STARD13: variants seen among roughly 807,000 people sequenced by gnomAD.
The protein encoded by STARD13 is StAR related lipid transfer domain containing 13.
A neutral mutation model predicts 106.4 loss-of-function variants in STARD13; 62 were observed. That is an observed-to-expected ratio of 0.58 (90% CI 0.48 to 0.72). STARD13 has a LOEUF of 0.72. Ranked by LOEUF, STARD13 falls within the 30% of genes least tolerant of loss-of-function variation. The probability of loss-of-function intolerance (pLI) is 0.00; values close to 1 mark genes in which losing one functional copy is unlikely to be tolerated. For synonymous variants in STARD13, 565 were observed against 553.0 expected, an observed-to-expected ratio of 1.02 and a Z score of -0.31; for missense variants, 1,387 against 1,424.0, an observed-to-expected ratio of 0.97 and a Z score of 0.42.
chr13:33,133,512 T>C (rs1384578621), intron 4 of STARD13, among the ~76,000 whole-genome samples: 1 of 152,196 alleles, frequency 6.6e-6, no homozygotes, highest in African/African-American at 2.4e-5. Flanking sequence ...ACAACGATCA[T>C]GGTATGTTCC....
chr13:33,119,405 A>T (rs1338921416), intron 7 of STARD13, among the ~76,000 whole-genome samples: 1 of 152,106 alleles, frequency 6.6e-6, no homozygotes. Flanking sequence ...GCCACTGCTC[A>T]TCCCCCCTAT....
chr13:33,282,161 A>G (rs1169221305), intron 1 of STARD13, among the ~76,000 whole-genome samples: 7 of 151,974 alleles, frequency 4.6e-5, no homozygotes, highest in African/African-American at 1.7e-4. Context: ...CTCTACAACA[A>G]TTTCCCTATT....
chr13:33,448,846 ATGT>A, the STARD13 span, among the ~76,000 whole-genome samples: 1 of 152,160 alleles, frequency 6.6e-6, no homozygotes, highest in African/African-American at 2.4e-5. Flanking sequence ...ATGATTAAAA[ATGT>A]TGAGCTTTTT....
chr13:33,590,390 A>C, the STARD13 span, among the ~76,000 whole-genome samples: 1 of 152,274 alleles, frequency 6.6e-6, no homozygotes, highest in Admixed American at 6.5e-5. Flanking sequence ...TCCTAAAGAC[A>C]CATGCACACA....
chr13:33,269,501 T>A (rs1244733959), intron 1 of STARD13, among the ~76,000 whole-genome samples: 1 of 152,108 alleles, frequency 6.6e-6, no homozygotes, highest in Non-Finnish European at 1.5e-5. Context: ...CTTGGAAGCC[T>A]CCAGCTAGAC....
At chr13:33,169,999 CT>C (rs1043574670) in intron 1 of STARD13, among the ~76,000 whole-genome samples, 4 of 152,044 alleles carry the variant, frequency 2.6e-5, no homozygotes, top group African/African-American at 9.6e-5. Flanking sequence ...TTACCAGAGG[CT>C]GAGGAGGGTA....
intron 1 of STARD13, among the ~76,000 whole-genome samples, chr13:33,190,592 T>C (rs1054474674): frequency 6.7e-6 from 1 of 149,632 alleles, no homozygotes; most frequent in Non-Finnish European, 1.5e-5. Flanking sequence ...TCTTTTCTTT[T>C]TTTTTTTTTT....
At chr13:33,576,979 T>A in the STARD13 span, among the ~76,000 whole-genome samples, 2 of 152,140 alleles carry the variant, frequency 1.3e-5, no homozygotes, top group Non-Finnish European at 2.9e-5. Context: ...TTTAAAAAAC[T>A]CCCTTAAAGT....
At chr13:33,110,515 A>G (rs1353187486) in intron 11 of STARD13, among the ~76,000 whole-genome samples, 171 bp downstream of exon 11, 2 of 152,176 alleles carry the variant, frequency 1.3e-5, no homozygotes, top group Admixed American at 1.3e-4. Context: ...TTACTCTCTG[A>G]TTATAGGCAA....
chr13:33,653,605 T>C, the STARD13 span, among the ~76,000 whole-genome samples: 1 of 152,128 alleles, frequency 6.6e-6, no homozygotes, highest in Non-Finnish European at 1.5e-5. Context: ...AATAAATCTT[T>C]GTGGCCAATT....
chr13:33,113,566 G>T (rs1874931714), intron 8 of STARD13: 1 of 516,494 alleles, frequency 1.9e-6, no homozygotes, highest in South Asian at 1.4e-5. Context: ...AATCTCCCAG[G>T]ACTTGCTTTG....
the STARD13 span, among the ~76,000 whole-genome samples, chr13:33,451,461 G>A: frequency 1.3e-5 from 2 of 152,172 alleles, no homozygotes; most frequent in African/African-American, 4.8e-5. Flanking sequence ...ACTAGAGTAT[G>A]TATACAGAAA....
intron 1 of STARD13, among the ~76,000 whole-genome samples, chr13:33,295,199 A>G (rs1229482465): frequency 6.6e-6 from 1 of 152,244 alleles, no homozygotes; most frequent in Non-Finnish European, 1.5e-5. Context: ...TCCTAATATA[A>G]GACCACCAAT....
chr13:33,126,275 C>CTGGG, intron 6 of STARD13, 35 bp from the exon 7 acceptor site: 2 of 1,605,608 alleles, frequency 1.2e-6, no homozygotes, highest in Non-Finnish European at 1.7e-6. Context: ...TGCAAGCCTC[C>CTGGG]TGGGTCACAC....
At chr13:33,156,587 C>T (rs1444679686) in intron 3 of STARD13, among the ~76,000 whole-genome samples, 1 of 152,114 alleles carries the variant, frequency 6.6e-6, no homozygotes, top group Non-Finnish European at 1.5e-5. Flanking sequence ...TTCCTACTAC[C>T]ATTTATTAGC....
the STARD13 span, among the ~76,000 whole-genome samples, chr13:33,582,430 G>T: frequency 2.0e-5 from 3 of 151,964 alleles, no homozygotes; most frequent in East Asian, 1.9e-4. Flanking sequence ...CTCAAACTTG[G>T]GTAAAAAACC....
chr13:33,150,890 T>G (rs186928039), intron 3 of STARD13, among the ~76,000 whole-genome samples: 1 of 152,342 alleles, frequency 6.6e-6, no homozygotes, highest in African/African-American at 2.4e-5. Flanking sequence ...AAGCCAAGAT[T>G]CGTTCATCCG....
the STARD13 span, among the ~76,000 whole-genome samples, chr13:33,573,251 T>C: frequency 1.7e-3 from 259 of 152,242 alleles, 2 homozygotes; most frequent in Non-Finnish European, 2.9e-3. Context: ...ATAATTGATA[T>C]CTATATAGAA....
At chr13:33,190,148 T>C (rs1257514945) in intron 1 of STARD13, among the ~76,000 whole-genome samples, 1 of 152,096 alleles carries the variant, frequency 6.6e-6, no homozygotes, top group Non-Finnish European at 1.5e-5. Flanking sequence ...TAGTTAAAAA[T>C]ATTTTAAGGA....
Sources: gnomAD v4.1 joint callset for allele counts (sites outside exome capture counted in the v4.1 genomes callset) on GRCh38, gnomAD v4.1.1 for gene constraint, MANE v1.5 for transcripts, NCBI Gene and HGNC (gene_info 2026-07-23, HGNC 2026-07-21) for gene names.